The following CNTLN variants were observed in gnomAD, a reference collection of about 807,000 sequenced individuals.
The protein encoded by CNTLN is centlein, also known as centlein, centrosomal protein.
CNTLN carries 212 observed loss-of-function variants against 180.0 expected under a neutral mutation model. The ratio of observed to expected loss-of-function variants is 1.18; its 90% confidence interval spans 1.05 to 1.32. The LOEUF is 1.32. Among genes scored for constraint, CNTLN ranks in the 40% most tolerant of loss-of-function variants. The pLI, the probability that CNTLN is intolerant of heterozygous loss-of-function variation, is 0.00. For synonymous variants in CNTLN, 722 were observed against 563.1 expected (o/e 1.28, Z -3.99); for missense variants, 2,095 against 1,610.9 (o/e 1.30, Z -5.14).
At chr9:17,198,325 A>G (rs1344587924) in intron 2 of CNTLN, among the ~76,000 whole-genome samples, 1 of 150,336 alleles carries the variant, frequency 6.7e-6, no homozygotes, top group Non-Finnish European at 1.5e-5. Flanking sequence ...GGCTTTGGGT[A>G]GTATGGACAT....
At chr9:17,218,373 G>T (rs1823905621) in intron 2 of CNTLN, among the ~76,000 whole-genome samples, 1 of 151,966 alleles carries the variant, frequency 6.6e-6, no homozygotes, top group African/African-American at 2.4e-5. Flanking sequence ...TTACTGTGGA[G>T]TAAAATGTGT....
At chr9:17,200,334 C>G (rs1223299801) in intron 2 of CNTLN, among the ~76,000 whole-genome samples, 1 of 152,112 alleles carries the variant, frequency 6.6e-6, no homozygotes, top group Non-Finnish European at 1.5e-5. Flanking sequence ...CTTTTGGTTT[C>G]ATGTGAAATT....
intron 2 of CNTLN, among the ~76,000 whole-genome samples, chr9:17,146,722 C>T (rs1267773502): frequency 6.6e-6 from 1 of 152,012 alleles, no homozygotes. Flanking sequence ...GTTATAGCAG[C>T]CCAAATGGAT....
chr9:17,365,841 G>C (rs1309689284), intron 12 of CNTLN, among the ~76,000 whole-genome samples: 1 of 152,138 alleles, frequency 6.6e-6, no homozygotes, highest in Non-Finnish European at 1.5e-5. Flanking sequence ...AGCTACTTAG[G>C]AGGCTGAGGT....
intron 5 of CNTLN, among the ~76,000 whole-genome samples, chr9:17,261,444 T>A (rs1826968313): frequency 1.3e-5 from 2 of 151,456 alleles, no homozygotes; most frequent in African/African-American, 2.4e-5. Flanking sequence ...CTATTGTAAA[T>A]GGGATTGTGT....
At chr9:17,360,949 A>T (rs1343060967) in intron 12 of CNTLN, among the ~76,000 whole-genome samples, 2 of 152,132 alleles carry the variant, frequency 1.3e-5, no homozygotes, top group African/African-American at 4.8e-5. Context: ...GTTTTTTGAT[A>T]GTGTTTTTCA....
At position 17,484,302 on chromosome 9, in the gene CNTLN, C is replaced by T. The variant is rs1268223304; in HGVS notation, c.3863C>T (p.Ala1288Val). 10 of 1,596,114 alleles carry T rather than the reference C, an allele frequency of 6.3e-6. No individual in the cohort carries two copies. Among genetic ancestry groups the T allele is most frequent in the African/African-American group, 1.4e-5 (1 of 73,322 alleles). ...CTTTCCAATATGTTACAGGCTTTGG[C>T]CAAAGAGTTGCAAAATGATGTCCAT... is the stretch of plus-strand genomic sequence containing the variant. ...EEFTTFVKAL[A>V]KELQNDVHVV... The change falls in exon 24 of 26, where the codon GCC (alanine) becomes GTC (valine). Residue 1288 changes from alanine (A) to valine (V), a missense_variant. Ala to Val is a moderately conservative substitution (Grantham distance 64). Coordinates refer to ENST00000380647, the MANE Select transcript of CNTLN (RefSeq NM_017738.4).
chr9:17,514,522 G>A, the CNTLN span, among the ~76,000 whole-genome samples: 2 of 152,104 alleles, frequency 1.3e-5, no homozygotes, highest in Admixed American at 1.3e-4. Context: ...ATGAAACAAG[G>A]ATAGGCTGAA....
At chr9:17,210,119 T>C (rs1368664539) in intron 2 of CNTLN, among the ~76,000 whole-genome samples, 1 of 152,158 alleles carries the variant, frequency 6.6e-6, no homozygotes, top group African/African-American at 2.4e-5. Flanking sequence ...AACGTGCAGG[T>C]TTGTTACATA....
At chr9:17,150,202 G>A (rs1476718553) in intron 2 of CNTLN, among the ~76,000 whole-genome samples, 2 of 152,308 alleles carry the variant, frequency 1.3e-5, no homozygotes, top group Non-Finnish European at 2.9e-5. Flanking sequence ...TGCTTTTGGT[G>A]TTTTGGACAT....
At chr9:17,515,726 C>T in the CNTLN span, among the ~76,000 whole-genome samples, 1 of 152,184 alleles carries the variant, frequency 6.6e-6, no homozygotes, top group East Asian at 1.9e-4. Context: ...CACTGCCTTC[C>T]CCATTTCCAC....
intron 15 of CNTLN, among the ~76,000 whole-genome samples, chr9:17,408,088 C>G (rs1266215900): frequency 1.6e-5 from 2 of 122,456 alleles, no homozygotes; most frequent in African/African-American, 3.1e-5. Flanking sequence ...GATCGTGCCA[C>G]TACACTCCAG....
At position 17,332,614 on chromosome 9, in the gene CNTLN, G is replaced by C; in HGVS notation, c.1528G>C (p.Val510Leu). 3 of 1,606,108 alleles carry C rather than the reference G, an allele frequency of 1.9e-6. No individual in the cohort carries two copies. The highest frequency in any genetic ancestry group is 2.5e-6 in the Non-Finnish European group (3 of 1,176,558). ...SAEGKHKEPP[V>L]KRSRSLSPKS... ...TTGTTTTATTCTCGAGGAACCACCTGTGAAACGTTCAAGGTCTTTGTCCCC... is the reference window on the plus strand; with the variant it reads ...TTGTTTTATTCTCGAGGAACCACCTCTGAAACGTTCAAGGTCTTTGTCCCC... Residue 510 changes from valine to leucine, a missense_variant, in exon 10 of 26, where the codon GTG becomes CTG. Physicochemically the swap from Val to Leu is conservative, Grantham distance 32. Transcript: ENST00000380647.
intron 2 of CNTLN, among the ~76,000 whole-genome samples, chr9:17,163,479 A>G (rs540025875): frequency 1.3e-5 from 2 of 152,278 alleles, no homozygotes; most frequent in South Asian, 4.2e-4. Flanking sequence ...TTATTCAGTA[A>G]TCTCTTGAAT....
intron 5 of CNTLN, among the ~76,000 whole-genome samples, chr9:17,242,673 CAT>C (rs1290564188): frequency 6.6e-6 from 1 of 152,180 alleles, no homozygotes. Context: ...GATTGATTTG[CAT>C]ATGTTAAACC....
chr9:17,469,847 C>T (rs536687130), intron 23 of CNTLN, among the ~76,000 whole-genome samples: 3 of 152,020 alleles, frequency 2.0e-5, no homozygotes, highest in Admixed American at 2.0e-4. Flanking sequence ...CATTTACTGG[C>T]TCTCTGACTT....
At chr9:17,482,183 C>G (rs778290535) in intron 23 of CNTLN, among the ~76,000 whole-genome samples, 23 of 151,872 alleles carry the variant, frequency 1.5e-4, no homozygotes, top group Non-Finnish European at 2.8e-4. Context: ...TGATGGACAA[C>G]TAAACCAAAT....
At position 17,309,127 on chromosome 9, in the gene CNTLN, A is replaced by G; in HGVS notation, c.1216A>G (p.Thr406Ala). ...SNEAMLRQSVTNLQDQLLQKE... is the reference protein window; with the variant it reads ...SNEAMLRQSVANLQDQLLQKE... ...TGAAGCTATGCTCCGGCAAAGTGTT[A>G]CTAATCTTCAGGATCAGCTATTACA... Residue 406 changes from threonine (T) to alanine (A), a missense_variant, in exon 8 of 26, where the codon ACT becomes GCT. Thr to Ala is a moderately conservative substitution (Grantham distance 58, BLOSUM62 0). Transcript: ENST00000380647. The G allele has an allele frequency of 6.2e-7, 1 of 1,610,292 alleles. No homozygotes were observed. The highest frequency in any genetic ancestry group is 8.5e-7 in the Non-Finnish European group (1 of 1,178,148).
At chr9:17,269,343 G>A (rs1029102798) in intron 5 of CNTLN, among the ~76,000 whole-genome samples, 2 of 151,968 alleles carry the variant, frequency 1.3e-5, no homozygotes, top group Non-Finnish European at 2.9e-5. Flanking sequence ...TTTCCAATGT[G>A]TAAATTTAGG....
Sources: allele counts gnomAD v4.1 joint callset (sites outside exome capture counted in the v4.1 genomes callset), GRCh38; gene constraint gnomAD v4.1.1; transcripts MANE v1.5; gene names NCBI Gene and HGNC (gene_info 2026-07-23, HGNC 2026-07-21).